The following BCO1 variants were observed in gnomAD, a reference collection of about 807,000 sequenced individuals.
BCO1 encodes the protein beta,beta-carotene 15,15'-dioxygenase.
BCO1 carries 54 observed loss-of-function variants against 56.3 expected under a neutral mutation model. That is an observed-to-expected ratio of 0.96 (90% CI 0.77 to 1.20). The LOEUF is 1.20. Among genes scored for constraint, BCO1 ranks in the 50% most tolerant of loss-of-function variants. The pLI is 0.00. For missense variants in BCO1, 801 were observed against 690.9 expected (o/e 1.16, Z -1.79); for synonymous variants, 318 against 266.1 (o/e 1.20, Z -1.90).
At chr16:81,269,571 G>A (rs1176059017) in intron 6 of BCO1, among the ~76,000 whole-genome samples, 2 of 151,978 alleles carry the variant, frequency 1.3e-5, no homozygotes, top group Non-Finnish European at 1.5e-5. Flanking sequence ...GGGTTCAAGC[G>A]ATTCTCCTGC....
chr16:81,282,673 CTT>C (rs772983780), intron 8 of BCO1, among the ~76,000 whole-genome samples: 3 of 146,184 alleles, frequency 2.1e-5, no homozygotes. Context: ...CACCACATCC[CTT>C]TTTTTTTTTT....
At chr16:81,257,260 G>GT (rs1445769751) in intron 2 of BCO1, among the ~76,000 whole-genome samples, 3 of 151,854 alleles carry the variant, frequency 2.0e-5, no homozygotes, top group South Asian at 2.1e-4. Flanking sequence ...TTGTTGTTGC[G>GT]TTTTTTTGTT....
intron 8 of BCO1, among the ~76,000 whole-genome samples, chr16:81,282,659 C>G (rs8050163): frequency 0.92 from 139,921 of 151,552 alleles, 65,632 homozygotes; most frequent in East Asian, 1. Context: ...CATCCCTGCT[C>G]ACCCACCACA....
At chr16:81,257,570 G>A (rs1906220428) in intron 2 of BCO1, among the ~76,000 whole-genome samples, 1 of 149,500 alleles carries the variant, frequency 6.7e-6, no homozygotes, top group African/African-American at 2.5e-5. Flanking sequence ...TGGCCTAGAT[G>A]TGTTATTTTA....
At chr16:81,244,736 T>TTTA (rs1182022122) in intron 1 of BCO1, among the ~76,000 whole-genome samples, 2 of 147,252 alleles carry the variant, frequency 1.4e-5, no homozygotes. Context: ...TTTTTTTTTT[T>TTTA]AATTTTTTGA....
chr16:81,252,701 C>CCATGTAG (rs1403148444), intron 2 of BCO1, among the ~76,000 whole-genome samples: 1 of 152,172 alleles, frequency 6.6e-6, no homozygotes, highest in Non-Finnish European at 1.5e-5. Flanking sequence ...GCCTCTGTCT[C>CCATGTAG]CATGTAGCAT....
chr16:81,245,193 A>G (rs988686103), intron 1 of BCO1, among the ~76,000 whole-genome samples: 7 of 152,172 alleles, frequency 4.6e-5, no homozygotes, highest in Non-Finnish European at 1.0e-4. Flanking sequence ...CACAACCAGC[A>G]TTGCCTTGAC....
At chr16:81,263,136 T>C (rs1906601736) in intron 4 of BCO1, 1 of 139,336 alleles carries the variant, frequency 7.2e-6, no homozygotes, top group African/African-American at 3.0e-5. Flanking sequence ...TTTGAAAAAG[T>C]GTCTTGCTCT....
intron 2 of BCO1, among the ~76,000 whole-genome samples, chr16:81,257,040 A>G (rs1409179668): frequency 1.3e-5 from 2 of 152,070 alleles, no homozygotes; most frequent in Non-Finnish European, 2.9e-5. Flanking sequence ...GCATTTTCCC[A>G]ACTCCAGGCC....
intron 4 of BCO1, 118 bp downstream of exon 4, chr16:81,262,401 A>G: frequency 9.1e-7 from 1 of 1,097,302 alleles, no homozygotes; most frequent in Non-Finnish European, 1.4e-6. Context: ...CTCCTCTAAC[A>G]CCGTTGGATC....
intron 2 of BCO1, among the ~76,000 whole-genome samples, chr16:81,259,355 G>T (rs74594705): frequency 1.3e-5 from 2 of 152,036 alleles, no homozygotes; most frequent in Non-Finnish European, 2.9e-5. Flanking sequence ...TTTGCTGGTC[G>T]TGGTGGCGCA....
At chr16:81,284,418 A>T (rs1045767392) in intron 8 of BCO1, among the ~76,000 whole-genome samples, 1 of 152,074 alleles carries the variant, frequency 6.6e-6, no homozygotes, top group Non-Finnish European at 1.5e-5. Flanking sequence ...ACTGTAAGGC[A>T]GTTAGAACCC....
At chr16:81,240,339 C>A (rs1399345331) in intron 1 of BCO1, among the ~76,000 whole-genome samples, 4 of 152,034 alleles carry the variant, frequency 2.6e-5, no homozygotes. Flanking sequence ...TTTCAAAAAG[C>A]AAATGTATAC....
chr16:81,262,830 CAAAAACAAAA>C (rs1906572462), intron 4 of BCO1: 2 of 41,986 alleles, frequency 4.8e-5, no homozygotes, highest in Non-Finnish European at 8.0e-5. Context: ...CTGTCTCAAA[CAAAAACAAAA>C]AAAAAAAAAA....
intron 8 of BCO1, among the ~76,000 whole-genome samples, chr16:81,281,209 G>A (rs1282172738): frequency 2.0e-5 from 3 of 152,326 alleles, no homozygotes; most frequent in East Asian, 3.9e-4. Flanking sequence ...ACTTTGGGAA[G>A]CTGAGGGAGG....
At position 81,270,194 on chromosome 16, in the gene BCO1, G is replaced by T; in HGVS notation, c.879G>T (p.Gln293His). Residue 293 changes from glutamine (Q) to histidine (H), a missense_variant, in exon 7 of 11, where the codon CAG becomes CAT. Coordinates refer to ENST00000258168, the MANE Select transcript of BCO1 (RefSeq NM_017429.3). ...YIHIIDQRTR[Q>H]PVQTKFYTDA... Reference sequence around the variant, plus strand: ...ACATCATCGACCAAAGGACCAGGCAGCCTGTGCAGACCAAGTTTTACACAG... The same window carrying T: ...ACATCATCGACCAAAGGACCAGGCATCCTGTGCAGACCAAGTTTTACACAG... 6.2e-7 allele frequency: 1 copy of T among 1,614,166 alleles called. No homozygotes were observed. Among genetic ancestry groups the T allele is most frequent in the Non-Finnish European group, 8.5e-7 (1 of 1,180,022 alleles).
intron 1 of BCO1, among the ~76,000 whole-genome samples, chr16:81,245,183 C>T (rs966438151): frequency 2.6e-5 from 4 of 152,202 alleles, no homozygotes; most frequent in Non-Finnish European, 5.9e-5. Flanking sequence ...TGAGCCAACA[C>T]ACAACCAGCA....
chr16:81,246,195 C>A (rs923870630), intron 2 of BCO1, among the ~76,000 whole-genome samples: 1 of 152,088 alleles, frequency 6.6e-6, no homozygotes, highest in Non-Finnish European at 1.5e-5. Flanking sequence ...CTCCTTCCAT[C>A]CTCACACCTC....
At chr16:81,286,524 A>C (rs760953046) in intron 9 of BCO1, among the ~76,000 whole-genome samples, 28 of 152,144 alleles carry the variant, frequency 1.8e-4, no homozygotes, top group Non-Finnish European at 3.4e-4. Flanking sequence ...TATTTAACTC[A>C]TATAAAATTG....
Sources: gnomAD v4.1 joint callset for allele counts (sites outside exome capture counted in the v4.1 genomes callset) on GRCh38, gnomAD v4.1.1 for gene constraint, MANE v1.5 for transcripts, NCBI Gene and HGNC (gene_info 2026-07-23, HGNC 2026-07-21) for gene names.